EYA4: variants seen among roughly 807,000 people sequenced by gnomAD.
EYA4 encodes the protein protein phosphatase EYA4.
A neutral mutation model predicts 87.9 loss-of-function variants in EYA4; 31 were observed. That is an observed-to-expected ratio of 0.35 (90% CI 0.27 to 0.48). EYA4 has a LOEUF of 0.48. Among genes scored for constraint, EYA4 ranks in the 20% least tolerant of loss-of-function variants. The pLI is 0.99. For missense variants in EYA4, 678 were observed against 761.4 expected, an observed-to-expected ratio of 0.89 and a Z score of 1.29; for synonymous variants, 263 against 270.6, an observed-to-expected ratio of 0.97 and a Z score of 0.28.
rs145957091 is a variant in EYA4, at chr6:133,300,290, ACC to A, written c.33+25479_33+25480del. On this transcript the variant is annotated intron_variant, in intron 2 of 19. Transcript: ENST00000355286. ...TGAAAGAAAATCCACAAGTGAGTGG[ACC>A]CACACAATTTAAACTCATGTTGTTC... 9.6e-3 allele frequency among the ~76,000 whole-genome samples: 1,458 copies of A among 152,008 alleles called. 28 individuals are homozygous for A. The highest frequency in any genetic ancestry group is 0.034 in the African/African-American group (1,390 of 41,430).
intron 11 of EYA4, among the ~76,000 whole-genome samples, chr6:133,469,468 C>T (rs892302924): frequency 6.6e-6 from 1 of 151,848 alleles, no homozygotes. Context: ...TTATAATGTA[C>T]AGTAATCAAG....
intron 2 of EYA4, among the ~76,000 whole-genome samples, chr6:133,332,637 G>A (rs1782053901): frequency 6.6e-6 from 1 of 151,814 alleles, no homozygotes; most frequent in African/African-American, 2.4e-5. Flanking sequence ...TCCGCCTCCC[G>A]GGTTCAAGCT....
At chr6:133,294,141 G>A (rs907015097) in intron 2 of EYA4, among the ~76,000 whole-genome samples, 3 of 143,614 alleles carry the variant, frequency 2.1e-5, no homozygotes, top group Non-Finnish European at 3.0e-5. Context: ...TATGAGTTGC[G>A]ACAGTGATGA....
chr6:133,289,334 C>T (rs980174786), intron 2 of EYA4, among the ~76,000 whole-genome samples: 2 of 152,110 alleles, frequency 1.3e-5, no homozygotes, highest in African/African-American at 4.8e-5. Context: ...TAGATGGAAG[C>T]AGGGTTAGAA....
intron 2 of EYA4, among the ~76,000 whole-genome samples, chr6:133,337,073 A>G (rs1472881929): frequency 1.3e-5 from 2 of 152,306 alleles, no homozygotes; most frequent in African/African-American, 4.8e-5. Context: ...TTCTGAATAC[A>G]TGCTGTGCTG....
chr6:133,434,649 T>C (rs1263663768), intron 3 of EYA4, among the ~76,000 whole-genome samples: 2 of 152,272 alleles, frequency 1.3e-5, no homozygotes, highest in Middle Eastern at 3.4e-3. Context: ...AATATTCCAT[T>C]TTGCTTTTGA....
chr6:133,252,467 C>G (rs1335150156), intron 1 of EYA4, among the ~76,000 whole-genome samples: 3 of 152,086 alleles, frequency 2.0e-5, no homozygotes, highest in African/African-American at 7.2e-5. Flanking sequence ...CTTTTAAGTT[C>G]TCATTCTATG....
chr6:133,378,008 T>G (rs1331833849), intron 2 of EYA4, among the ~76,000 whole-genome samples: 1 of 151,940 alleles, frequency 6.6e-6, no homozygotes, highest in African/African-American at 2.4e-5. Context: ...TGGGAGGAAA[T>G]TTTTGGAAGT....
chr6:133,452,323 CTA>C (rs1793527926), intron 5 of EYA4, among the ~76,000 whole-genome samples: 1 of 152,074 alleles, frequency 6.6e-6, no homozygotes, highest in Non-Finnish European at 1.5e-5. Flanking sequence ...ACACCTTAAT[CTA>C]TGTTTAAACT....
intron 3 of EYA4, among the ~76,000 whole-genome samples, chr6:133,443,342 G>T (rs1006751278): frequency 3.5e-4 from 53 of 151,870 alleles, no homozygotes; most frequent in African/African-American, 1.1e-3. Flanking sequence ...GATTTTCTAT[G>T]TTAATTGGAT....
In EYA4 at chr6:133,335,680, G is replaced by T. The variant is rs150464546; in HGVS notation, c.34-46712G>T. Among the ~76,000 whole-genome samples, 426 of 152,286 alleles carry T rather than the reference G, an allele frequency of 2.8e-3. 1 individual carries two copies. The highest frequency in any genetic ancestry group is 0.024 in the Middle Eastern group (7 of 294). ...GAGGTTCTTGGAGAGGACATTCTAGGTGGGGGAAATAATGTGCACACTCTG... is the reference window on the plus strand; with the variant it reads ...GAGGTTCTTGGAGAGGACATTCTAGTTGGGGGAAATAATGTGCACACTCTG... On this transcript the variant is annotated intron_variant, in intron 2 of 19. Coordinates refer to ENST00000355286, the MANE Select transcript of EYA4 (RefSeq NM_004100.5).
At chr6:133,292,621 C>T (rs211438) in intron 2 of EYA4, among the ~76,000 whole-genome samples, 29,077 of 152,052 alleles carry the variant, frequency 0.19, 2,970 homozygotes, top group Admixed American at 0.25. Flanking sequence ...GAAATGTACT[C>T]TCAGTCCCTG....
At chr6:133,373,877 T>C (rs1436150349) in intron 2 of EYA4, among the ~76,000 whole-genome samples, 1 of 152,092 alleles carries the variant, frequency 6.6e-6, no homozygotes, top group Admixed American at 6.6e-5. Context: ...GAATGGGAGC[T>C]TTCATATGAG....
chr6:133,407,286 A>G (rs1477981031), intron 3 of EYA4, among the ~76,000 whole-genome samples: 1 of 134,092 alleles, frequency 7.5e-6, no homozygotes. Flanking sequence ...AAACGTATTT[A>G]TCGAAAGAGA....
At chr6:133,273,097 G>GTGTGTATATATATA (rs142020137) in intron 1 of EYA4, among the ~76,000 whole-genome samples, 2 of 106,638 alleles carry the variant, frequency 1.9e-5, no homozygotes, top group African/African-American at 6.3e-5. Context: ...ATATATATAT[G>GTGTGTATATATATA]TATATATATA....
At position 133,448,112 on chromosome 6, in the gene EYA4, G is replaced by C. The variant is rs1179897224; in HGVS notation, c.210G>C (p.Gly70=). 2 of 1,610,504 alleles carry C rather than the reference G, an allele frequency of 1.2e-6. No homozygotes were observed. The highest frequency in any genetic ancestry group is 1.7e-5 in the Admixed American group (1 of 60,000). ...CTTTTATACTGTTCCTGTTCTCAGG[G>C]GAAAACATGACTGTTTTAAACACAG... The part of the protein sequence containing the change: ...STSVTTNGTG[G]ENMTVLNTAD... Residue 70 remains glycine, a splice_region_variant and synonymous_variant, in exon 5 of 20, where the codon GGG becomes GGC. Transcript: ENST00000355286.
chr6:133,261,447 A>G (rs957349398), intron 1 of EYA4, among the ~76,000 whole-genome samples: 3 of 152,158 alleles, frequency 2.0e-5, no homozygotes, highest in Non-Finnish European at 4.4e-5. Flanking sequence ...ATGTCCGTCT[A>G]TAATTGTTTA....
In EYA4 at chr6:133,310,075, T is replaced by TA. The variant is rs1165696313; in HGVS notation, c.33+35263dup. ...TGGTATTCACACCAGTGGCCTCAGT[T>TA]ATCACACAGCAGCGAAAGTGAGGAG... On this transcript the variant is annotated intron_variant, in intron 2 of 19. Coordinates refer to ENST00000355286, the MANE Select transcript of EYA4 (RefSeq NM_004100.5). Among the ~76,000 whole-genome samples the TA allele has an allele frequency of 4.6e-5, 7 of 152,340 alleles. No homozygotes were observed. In the South Asian group the frequency reaches 1.0e-3, roughly 23 times the overall value.
At chr6:133,507,579 T>C (rs1037998791) in intron 14 of EYA4, among the ~76,000 whole-genome samples, 12 of 152,094 alleles carry the variant, frequency 7.9e-5, no homozygotes, top group African/African-American at 2.9e-4. Context: ...CCTGTGTCCA[T>C]GTGTTCTCAT....
Sources: allele counts gnomAD v4.1 joint callset (sites outside exome capture counted in the v4.1 genomes callset), GRCh38; gene constraint gnomAD v4.1.1; transcripts MANE v1.5; gene names NCBI Gene and HGNC (gene_info 2026-07-23, HGNC 2026-07-21).